The following NTRK3 variants were observed in gnomAD, a reference collection of about 807,000 sequenced individuals.
The protein encoded by NTRK3 is NT-3 growth factor receptor.
A neutral mutation model predicts 91.7 loss-of-function variants in NTRK3; 24 were observed. The observed-to-expected ratio is 0.26, with a 90% confidence interval of 0.19 to 0.37. NTRK3 has a LOEUF of 0.37. Ranked by LOEUF, NTRK3 falls within the 10% of genes least tolerant of loss-of-function variation. The pLI, the probability that NTRK3 is intolerant of heterozygous loss-of-function variation, is 1.00. For missense variants in NTRK3, 880 were observed against 1,068.9 expected (o/e 0.82, Z 2.46); for synonymous variants, 483 against 404.0 (o/e 1.20, Z -2.34).
At chr15:88,220,069 A>C (rs1559824) in intron 3 of NTRK3, among the ~76,000 whole-genome samples, 119,366 of 152,130 alleles carry the variant, frequency 0.78, 48,724 homozygotes, top group East Asian at 0.96. Flanking sequence ...ACAATTTAAT[A>C]AGCTTGGGTT....
At chr15:88,087,202 C>T (rs895098472) in intron 13 of NTRK3, among the ~76,000 whole-genome samples, 2 of 152,312 alleles carry the variant, frequency 1.3e-5, no homozygotes, top group South Asian at 2.1e-4. Context: ...GAAACGCATG[C>T]GTGTGTGAAA....
chr15:88,157,802 G>A (rs983850077), intron 5 of NTRK3, among the ~76,000 whole-genome samples: 3 of 152,126 alleles, frequency 2.0e-5, no homozygotes, highest in East Asian at 1.9e-4. Context: ...TTCTGACTAC[G>A]GGAGAGGAAA....
intron 13 of NTRK3, among the ~76,000 whole-genome samples, chr15:88,033,335 G>A (rs548834427): frequency 6.8e-6 from 1 of 147,852 alleles, no homozygotes; most frequent in Non-Finnish European, 1.5e-5. Flanking sequence ...AAATGAAATA[G>A]AGTCTCTCTC....
At chr15:88,214,144 G>A (rs938943707) in intron 3 of NTRK3, among the ~76,000 whole-genome samples, 8 of 152,110 alleles carry the variant, frequency 5.3e-5, no homozygotes, top group Admixed American at 1.3e-4. Context: ...AGCCACTGTA[G>A]AGTTTCCCGG....
chr15:88,112,060 C>G (rs540907132), intron 13 of NTRK3, among the ~76,000 whole-genome samples: 2 of 152,220 alleles, frequency 1.3e-5, no homozygotes, highest in South Asian at 4.1e-4. Context: ...GCACCCGCCA[C>G]CACGCCCAGC....
intron 14 of NTRK3, among the ~76,000 whole-genome samples, chr15:88,009,598 T>C (rs956677711): frequency 1.3e-5 from 2 of 152,208 alleles, no homozygotes; most frequent in Non-Finnish European, 2.9e-5. Flanking sequence ...ACGCTCTGCA[T>C]AGGCCACAGG....
At chr15:87,864,279 C>T (rs2064604148) in exon 19 of NTRK3, 1 of 232,126 alleles carries the variant, frequency 4.3e-6, no homozygotes, top group Non-Finnish European at 8.5e-6. Context: ...GTTGCCTCCA[C>T]ATCTGATAGA....
chr15:87,952,319 G>A (rs1376629651), intron 14 of NTRK3, among the ~76,000 whole-genome samples: 1 of 152,274 alleles, frequency 6.6e-6, no homozygotes, highest in Non-Finnish European at 1.5e-5. Flanking sequence ...TCTTCCTAAC[G>A]TGCTTAAAAT....
At chr15:88,222,883 G>A (rs564094008) in intron 3 of NTRK3, among the ~76,000 whole-genome samples, 4 of 152,176 alleles carry the variant, frequency 2.6e-5, no homozygotes, top group Non-Finnish European at 5.9e-5. Context: ...TGAACATCCC[G>A]CAGTCAGGCA....
At position 87,999,679 on chromosome 15, in the gene NTRK3, T is replaced by C. The variant is rs563549881; in HGVS notation, c.1585+33178A>G. 9.2e-5 allele frequency among the ~76,000 whole-genome samples: 14 copies of C among 152,234 alleles called. No individual in the cohort carries two copies. In the South Asian group the frequency reaches 2.9e-3, roughly 32 times the overall value. ...ATAAGGAGCTGAGGACATGACTAAA[T>C]TGGAAAAGTTTATCTTTAAGACTAC... is the stretch of plus-strand genomic sequence containing the variant. On this transcript the variant is annotated intron_variant, in intron 14 of 18. Transcript: ENST00000394480.
chr15:87,864,707 G>GA, exon 19 of NTRK3: 2 of 228,312 alleles, frequency 8.8e-6, no homozygotes, highest in Admixed American at 5.7e-5. Context: ...TACTCAAAGT[G>GA]AAAAATGCTA....
At chr15:88,194,506 A>G (rs2151700627) in intron 3 of NTRK3, among the ~76,000 whole-genome samples, 1 of 152,350 alleles carries the variant, frequency 6.6e-6, no homozygotes, top group African/African-American at 2.4e-5. Flanking sequence ...AAACCCTGTC[A>G]TTGATTCTAC....
At chr15:87,955,808 T>C (rs996136031) in intron 14 of NTRK3, among the ~76,000 whole-genome samples, 1 of 152,182 alleles carries the variant, frequency 6.6e-6, no homozygotes, top group African/African-American at 2.4e-5. Context: ...ACCAGGGCTC[T>C]CCCACTTATT....
chr15:87,959,043 C>T (rs1051741243), intron 14 of NTRK3, among the ~76,000 whole-genome samples: 1 of 144,920 alleles, frequency 6.9e-6, no homozygotes, highest in African/African-American at 2.5e-5. Flanking sequence ...CCTTCCTTCT[C>T]TTCTGAAACA....
At chr15:88,256,084 C>A in exon 3 of NTRK3, 4 of 1,613,100 alleles carry the variant, frequency 2.5e-6, no homozygotes, top group Non-Finnish European at 3.4e-6. Context: ...CCCACATAGT[C>A]CAGCCAGACG....
chr15:87,979,356 G>A (rs757849099), intron 14 of NTRK3: 4 of 1,612,112 alleles, frequency 2.5e-6, no homozygotes, highest in Middle Eastern at 1.6e-4. Flanking sequence ...TAAAAGCCAT[G>A]ACGTCCTTTG....
intron 5 of NTRK3, among the ~76,000 whole-genome samples, chr15:88,180,600 T>C (rs910854359): frequency 6.7e-6 from 1 of 148,744 alleles, no homozygotes; most frequent in African/African-American, 2.5e-5. Flanking sequence ...CAATCTGACA[T>C]CAGTACTAGG....
chr15:88,060,367 G>A (rs2046103121), intron 13 of NTRK3, among the ~76,000 whole-genome samples: 2 of 133,686 alleles, frequency 1.5e-5, no homozygotes, highest in East Asian at 2.2e-4. Context: ...CTGGGTGACA[G>A]AATGAGACTC....
At chr15:87,900,125 G>A (rs2066364540) in intron 17 of NTRK3, among the ~76,000 whole-genome samples, 1 of 152,138 alleles carries the variant, frequency 6.6e-6, no homozygotes, top group Non-Finnish European at 1.5e-5. Context: ...GATTCAACTT[G>A]GAAAAAATAA....
Sources: gnomAD v4.1 joint callset for allele counts (sites outside exome capture counted in the v4.1 genomes callset) on GRCh38, gnomAD v4.1.1 for gene constraint, MANE v1.5 for transcripts, NCBI Gene and HGNC (gene_info 2026-07-23, HGNC 2026-07-21) for gene names.